WASHC2C: variants seen among roughly 807,000 people sequenced by gnomAD.
WASHC2C encodes Vaccinia Penetration Factor.
A neutral mutation model predicts 142.2 loss-of-function variants in WASHC2C; 73 were observed. The ratio of observed to expected loss-of-function variants is 0.51; its 90% CI spans 0.43 to 0.62. WASHC2C has a LOEUF of 0.62. Among genes scored for constraint, WASHC2C ranks in the 20% least tolerant of loss-of-function variants. WASHC2C has a pLI of 0.00. For synonymous variants in WASHC2C, 337 were observed against 565.5 expected, an observed-to-expected ratio of 0.60 and a Z score of 5.73; for missense variants, 969 against 1,531.7, an observed-to-expected ratio of 0.63 and a Z score of 6.13.
At chr10:45,786,074 G>A (rs781742235) in intron 26 of WASHC2C, 6 of 270,260 alleles carry the variant, frequency 2.2e-5, no homozygotes, top group Admixed American at 2.0e-4. Context: ...ACGCTGTGGA[G>A]CTCCTCCTGG....
chr10:45,754,909 G>C (rs2054051901), intron 14 of WASHC2C, 27 bp from the exon 15 acceptor site: 2 of 1,611,772 alleles, frequency 1.2e-6, no homozygotes, highest in Admixed American at 1.7e-5. Context: ...GCTCACAGCT[G>C]TGGCTGTCTT....
Position 45,729,010 on chromosome 10 carries a change from C to T in WASHC2C, c.275C>T (p.Thr92Ile), listed in dbSNP as rs1267544035. Residue 92 changes from threonine to isoleucine, a missense_variant, in exon 3 of 31, where the codon ACC becomes ATC. Physicochemically the swap from Thr to Ile is moderately conservative, Grantham distance 89. Coordinates refer to ENST00000623400, the MANE Select transcript of WASHC2C (RefSeq NM_001330074.2). ...VFNDFLMLSN[T>I]QFIENRVYDE... ...AATGACTTCCTTATGCTCTCTAATACCCAGTTCATAGAGAATGTGAGTTAT... is the reference window on the plus strand; with the variant it reads ...AATGACTTCCTTATGCTCTCTAATATCCAGTTCATAGAGAATGTGAGTTAT... 1 of 1,613,212 alleles carries T rather than the reference C, an allele frequency of 6.2e-7. No homozygotes were observed. The highest frequency in any genetic ancestry group is 8.5e-7 in the Non-Finnish European group (1 of 1,179,702).
Position 45,789,231 on chromosome 10 carries a change from C to T in WASHC2C, c.3448C>T (p.Pro1150Ser). 6.2e-7 allele frequency: 1 copy of T among 1,612,074 alleles called. No homozygotes were observed. The highest frequency in any genetic ancestry group is 8.5e-7 in the Non-Finnish European group (1 of 1,179,868). Reference protein sequence around the residue: ...TGSQSVERTKPKAKIAENPAN... With the variant: ...TGSQSVERTKSKAKIAENPAN... The stretch of plus-strand genomic sequence containing the variant: ...ATCTCAGTCCGTGGAGAGAACAAAA[C>T]CCAAGGCAAAGATAGCAGAGAATCC... Residue 1150 changes from proline (P) to serine (S), a missense_variant, in exon 29 of 31, where the codon CCC (proline) becomes TCC (serine). Transcript: ENST00000623400.
At chr10:45,790,870 T>G (rs1589983364) in intron 30 of WASHC2C, among the ~76,000 whole-genome samples, 1 of 152,176 alleles carries the variant, frequency 6.6e-6, no homozygotes, top group East Asian at 1.9e-4. Context: ...CGTGCTAAAG[T>G]AGGCTGAGGG....
chr10:45,753,698 A>G (rs1554875814), intron 13 of WASHC2C, among the ~76,000 whole-genome samples: 1 of 141,196 alleles, frequency 7.1e-6, no homozygotes, highest in African/African-American at 2.7e-5. Context: ...ACGGTTGGAC[A>G]GGCTGGTCTT....
At chr10:45,764,413 G>A (rs1467748944) in intron 18 of WASHC2C, among the ~76,000 whole-genome samples, 2 of 151,796 alleles carry the variant, frequency 1.3e-5, no homozygotes, top group African/African-American at 2.4e-5. Context: ...GCTCAAACCT[G>A]TGTCATTCAG....
chr10:45,765,012 C>G (rs1358574913), intron 18 of WASHC2C, among the ~76,000 whole-genome samples: 1 of 152,156 alleles, frequency 6.6e-6, no homozygotes, highest in Non-Finnish European at 1.5e-5. Context: ...CCCTCTGATG[C>G]TTTTGTTCCC....
At chr10:45,755,257 G>A (rs1246445971) in intron 15 of WASHC2C, 142 bp downstream of exon 15, 3 of 1,393,354 alleles carry the variant, frequency 2.2e-6, no homozygotes, top group African/African-American at 1.5e-5. Flanking sequence ...TGTTGTGTCT[G>A]TACTTACATA....
rs2057788631 is a variant in WASHC2C at position 45,784,269 on chromosome 10, T to TATATATATATATACACACACAC, written c.2479-283_2479-282insCACACACACATATATATATATA. Among the ~76,000 whole-genome samples the TATATATATATATACACACACAC allele has an allele frequency of 1.0e-3, 14 of 13,474 alleles. No individual in the cohort carries two copies. The South Asian group carries it at 0.029, about 28-fold the overall frequency. 8.8% of individuals were successfully genotyped at this position (13,474 alleles called of 152,430 possible). ...GTGTGTGTGTATATATATATATATA[T>TATATATATATATACACACACAC]ATATATATATATATATATATACACA... On this transcript the variant is annotated intron_variant, in intron 23 of 30. Transcript: ENST00000623400.
At chr10:45,785,431 A>C in intron 25 of WASHC2C, 78 bp from the exon 26 acceptor site, 1 of 1,574,058 alleles carries the variant, frequency 6.4e-7, no homozygotes. Flanking sequence ...AGAAGCCAGG[A>C]TTGTTTTTTG....
chr10:45,790,022 CA>C (rs1180805018), intron 29 of WASHC2C, among the ~76,000 whole-genome samples: 16 of 152,234 alleles, frequency 1.1e-4, no homozygotes, highest in Non-Finnish European at 2.2e-4. Context: ...TAATCAAATA[CA>C]AACAGGGCAA....
chr10:45,747,595 C>A (rs1214008274), intron 8 of WASHC2C, among the ~76,000 whole-genome samples: 1 of 151,490 alleles, frequency 6.6e-6, no homozygotes, highest in African/African-American at 2.4e-5. Flanking sequence ...TCAATATTTT[C>A]TTTTCTTTTT....
intron 16 of WASHC2C, among the ~76,000 whole-genome samples, chr10:45,758,844 C>T (rs1395767012): frequency 6.7e-6 from 1 of 149,848 alleles, no homozygotes; most frequent in African/African-American, 2.5e-5. Flanking sequence ...GATTGACCTG[C>T]ATTTGGCCAG....
rs1554888863 is a variant in WASHC2C, at chr10:45,784,252, G to GTGTATA, written c.2479-312_2479-311insGTATAT. 3.4e-3 allele frequency among the ~76,000 whole-genome samples: 140 copies of GTGTATA among 40,648 alleles called. 1 individual carries two copies. Among genetic ancestry groups the GTGTATA allele is most frequent in the South Asian group, 0.012 (12 of 994 alleles). The allele number at this position is 40,648 out of a possible 152,430, so 26.7% of individuals were successfully genotyped here. A position where few individuals can be genotyped will look rare whatever the true frequency, so the allele number is the denominator to read the frequency against. The stretch of plus-strand genomic sequence containing the variant: ...CATATATATATATATGTGTGTGTGT[G>GTGTATA]TATATATATATATATATATATATAT... On this transcript the variant is annotated intron_variant, in intron 23 of 30. Transcript: ENST00000623400.
intron 3 of WASHC2C, among the ~76,000 whole-genome samples, chr10:45,736,858 A>G (rs1481171711): frequency 6.6e-6 from 1 of 151,908 alleles, no homozygotes; most frequent in Admixed American, 6.6e-5. Context: ...AAAAGTATAC[A>G]ATTTGGTGGT....
At position 45,751,663 on chromosome 10, in the gene WASHC2C, G is replaced by C. The variant is rs200550108; in HGVS notation, c.1003+110G>C. 7.9e-4 allele frequency: 1,059 copies of C among 1,334,418 alleles called. 10 individuals carry two copies. In the East Asian group the frequency reaches 0.023, roughly 29 times the overall value. 82.7% of individuals were successfully genotyped at this position (1,334,418 alleles called of 1,614,324 possible). On this transcript the variant is annotated intron_variant, in intron 11 of 30. Transcript: ENST00000623400. ...CATGCTGTTTTCCCTCTGACAAATGGGTCTGTCTCCATTTACTTTTCTAAA... is the reference window on the plus strand; with the variant it reads ...CATGCTGTTTTCCCTCTGACAAATGCGTCTGTCTCCATTTACTTTTCTAAA...
At chr10:45,780,648 G>A (rs2057421278) in intron 23 of WASHC2C, among the ~76,000 whole-genome samples, 1 of 152,036 alleles carries the variant, frequency 6.6e-6, no homozygotes, top group African/African-American at 2.4e-5. Flanking sequence ...TGGAAATAAA[G>A]TCATTAAGAT....
At chr10:45,751,207 A>G (rs11517283) in intron 10 of WASHC2C, among the ~76,000 whole-genome samples, 2,146 of 151,822 alleles carry the variant, frequency 0.014, 27 homozygotes, top group Non-Finnish European at 0.024. Context: ...TAGTTATAAC[A>G]GGGTAGAAAG....
At position 45,765,739 on chromosome 10, in the gene WASHC2C, G is replaced by C. The variant is rs201321360; in HGVS notation, c.1798G>C (p.Glu600Gln). 66 of 1,611,886 alleles carry C rather than the reference G, an allele frequency of 4.1e-5. No individual in the cohort carries two copies. The African/African-American group carries it at 5.2e-4, about 13-fold the overall frequency. The change falls in exon 19 of 31, where the codon GAA becomes CAA. Residue 600 changes from glutamate to glutamine, a missense_variant. Transcript: ENST00000623400. The part of the protein sequence containing the change: ...KQTLSLQAQR[E>Q]EKAKASELSK... ...GACATTGTCTCTACAAGCTCAGAGAGAAGAGAAAGCAAAAGCCTCCGAGCT... is the reference window on the plus strand; with the variant it reads ...GACATTGTCTCTACAAGCTCAGAGACAAGAGAAAGCAAAAGCCTCCGAGCT...
Sources: allele counts gnomAD v4.1 joint callset (sites outside exome capture counted in the v4.1 genomes callset), GRCh38; gene constraint gnomAD v4.1.1; transcripts MANE v1.5; gene names NCBI Gene and HGNC (gene_info 2026-07-23, HGNC 2026-07-21).